Variants in RSRC1 observed in about 807,000 individuals in gnomAD.
RSRC1 encodes serine/Arginine-related protein 53.
A neutral mutation model predicts 49.1 loss-of-function variants in RSRC1; 39 were observed. The observed-to-expected ratio is 0.79, with a 90% CI of 0.61 to 1.04. The LOEUF (loss-of-function observed/expected upper bound fraction) is 1.04, where lower values mean the gene tolerates loss of function less well. RSRC1 is among the 50% of genes least tolerant of loss of function. The probability of loss-of-function intolerance (pLI) is 0.00; values close to 1 mark genes in which losing one functional copy is unlikely to be tolerated. For synonymous variants in RSRC1, 143 were observed against 130.8 expected, an observed-to-expected ratio of 1.09 and a Z score of -0.63; for missense variants, 388 against 402.4, an observed-to-expected ratio of 0.96 and a Z score of 0.31.
chr3:158,277,445 A>G (rs994144878), intron 4 of RSRC1, among the ~76,000 whole-genome samples: 4 of 152,296 alleles, frequency 2.6e-5, no homozygotes, highest in Middle Eastern at 3.4e-3. Flanking sequence ...TAGTTATTAT[A>G]CTGCAGATTA....
At chr3:158,249,686 TA>T (rs1407350671) in intron 4 of RSRC1, among the ~76,000 whole-genome samples, 1 of 152,108 alleles carries the variant, frequency 6.6e-6, no homozygotes, top group African/African-American at 2.4e-5. Context: ...AATTTATTTT[TA>T]TTTTTTTGGG....
intron 3 of RSRC1, among the ~76,000 whole-genome samples, chr3:158,194,654 A>G (rs1271761127): frequency 1.2e-4 from 6 of 48,674 alleles, no homozygotes; most frequent in Admixed American, 7.0e-4. Context: ...CCCTCCCCCC[A>G]CCCCACAACA....
chr3:158,412,942 T>C (rs1461654146), intron 6 of RSRC1, among the ~76,000 whole-genome samples: 1 of 152,196 alleles, frequency 6.6e-6, no homozygotes, highest in Non-Finnish European at 1.5e-5. Context: ...TTCAATTCTA[T>C]TCCCATTAAA....
intron 3 of RSRC1, among the ~76,000 whole-genome samples, chr3:158,132,515 T>C (rs531036941): frequency 7.2e-5 from 11 of 152,306 alleles, no homozygotes; most frequent in Admixed American, 3.3e-4. Flanking sequence ...GTAGTACTCT[T>C]TATGTTATTT....
At chr3:158,292,222 A>G (rs1040323764) in intron 4 of RSRC1, among the ~76,000 whole-genome samples, 1 of 152,210 alleles carries the variant, frequency 6.6e-6, no homozygotes, top group South Asian at 2.1e-4. Flanking sequence ...AATTGGATGA[A>G]CAGCCTGTGA....
At chr3:158,344,337 G>T (rs75028821) in intron 5 of RSRC1, among the ~76,000 whole-genome samples, 289 of 152,222 alleles carry the variant, frequency 1.9e-3, no homozygotes, top group African/African-American at 6.3e-3. Flanking sequence ...ACCAGTTATG[G>T]AAAGGAAAGT....
At chr3:158,318,135 G>T (rs1238004700) in intron 5 of RSRC1, among the ~76,000 whole-genome samples, 3 of 152,032 alleles carry the variant, frequency 2.0e-5, no homozygotes, top group Non-Finnish European at 4.4e-5. Flanking sequence ...TCTTCTTCCA[G>T]TGTGGCCCAG....
intron 7 of RSRC1, among the ~76,000 whole-genome samples, chr3:158,494,754 T>C (rs535999028): frequency 1.3e-5 from 2 of 152,284 alleles, no homozygotes; most frequent in East Asian, 3.9e-4. Context: ...ACACATACGT[T>C]AGCCTAAGCT....
chr3:158,279,265 A>G (rs1559973743), intron 4 of RSRC1, among the ~76,000 whole-genome samples: 2 of 152,210 alleles, frequency 1.3e-5, no homozygotes, highest in Admixed American at 6.5e-5. Context: ...CGCCTCAGCT[A>G]TTGTTAATCG....
chr3:158,323,812 T>C (rs955009519), intron 5 of RSRC1, among the ~76,000 whole-genome samples: 1 of 152,224 alleles, frequency 6.6e-6, no homozygotes, highest in Non-Finnish European at 1.5e-5. Context: ...TGTATAGTTG[T>C]TTTTTATAGA....
At chr3:158,498,007 T>C (rs1292608576) in intron 7 of RSRC1, among the ~76,000 whole-genome samples, 2 of 152,210 alleles carry the variant, frequency 1.3e-5, no homozygotes, top group Admixed American at 6.5e-5. Flanking sequence ...TTTGCACTTA[T>C]GAATTGTGCT....
intron 6 of RSRC1, among the ~76,000 whole-genome samples, chr3:158,398,571 G>C (rs1225127483): frequency 6.6e-6 from 1 of 152,022 alleles, no homozygotes; most frequent in African/African-American, 2.4e-5. Flanking sequence ...TTTTGCATTG[G>C]GGATTAAGTT....
chr3:158,475,941 T>G (rs1335844542), intron 7 of RSRC1, among the ~76,000 whole-genome samples: 3 of 152,174 alleles, frequency 2.0e-5, no homozygotes, highest in Non-Finnish European at 4.4e-5. Flanking sequence ...AGGCATCTTG[T>G]GCCAAACATT....
At chr3:158,316,411 T>C (rs972079470) in intron 5 of RSRC1, among the ~76,000 whole-genome samples, 7 of 151,270 alleles carry the variant, frequency 4.6e-5, no homozygotes, top group Non-Finnish European at 1.0e-4. Context: ...ACCTGCTTTT[T>C]CTAATCAGTC....
intron 4 of RSRC1, among the ~76,000 whole-genome samples, chr3:158,221,266 C>T (rs1722209070): frequency 6.6e-6 from 1 of 151,492 alleles, no homozygotes; most frequent in Non-Finnish European, 1.5e-5. Context: ...ACTGGTTCCA[C>T]TAATGCAGTT....
chr3:158,177,227 G>A (rs927546259), intron 3 of RSRC1, among the ~76,000 whole-genome samples: 4 of 152,124 alleles, frequency 2.6e-5, no homozygotes, highest in Non-Finnish European at 4.4e-5. Context: ...TGTGGAAGAC[G>A]GTGTGGTGAT....
At chr3:158,370,148 A>G (rs1371499146) in intron 6 of RSRC1, among the ~76,000 whole-genome samples, 2 of 151,928 alleles carry the variant, frequency 1.3e-5, no homozygotes, top group Admixed American at 1.3e-4. Flanking sequence ...TATCATTTGT[A>G]TTGGTATTGT....
intron 4 of RSRC1, among the ~76,000 whole-genome samples, chr3:158,244,599 T>C (rs1723782410): frequency 6.6e-6 from 1 of 152,206 alleles, no homozygotes; most frequent in Non-Finnish European, 1.5e-5. Context: ...TTTTGTTATA[T>C]CTCTGCCAGG....
At chr3:158,309,941 A>T (rs1728038897) in intron 5 of RSRC1, among the ~76,000 whole-genome samples, 1 of 151,678 alleles carries the variant, frequency 6.6e-6, no homozygotes, top group Non-Finnish European at 1.5e-5. Flanking sequence ...CATTTAAGAT[A>T]TTTAGCTACC....
Sources: allele counts gnomAD v4.1 joint callset (sites outside exome capture counted in the v4.1 genomes callset), GRCh38; gene constraint gnomAD v4.1.1; transcripts MANE v1.5; gene names NCBI Gene and HGNC (gene_info 2026-07-23, HGNC 2026-07-21).